Variants in LLPH observed in about 807,000 individuals in gnomAD.
The protein encoded by LLPH is LLP homolog, long-term synaptic facilitation factor, also known as protein LLP homolog.
In LLPH, 5 loss-of-function variants were observed where a neutral mutation model predicts 13.3. The observed-to-expected ratio is 0.38, with a 90% CI of 0.20 to 0.79. LLPH has a LOEUF of 0.79. LLPH is among the 30% of genes least tolerant of loss of function. The probability of loss-of-function intolerance (pLI) is 0.45; values close to 1 mark genes in which losing one functional copy is unlikely to be tolerated. For synonymous variants in LLPH, 32 were observed against 44.2 expected (o/e 0.72, Z 1.09); for missense variants, 129 against 152.1 (o/e 0.85, Z 0.80).
chr12:66,126,329 A>C (rs990264105), intron 2 of LLPH, among the ~76,000 whole-genome samples: 2 of 129,608 alleles, frequency 1.5e-5, no homozygotes, highest in East Asian at 4.4e-4. Flanking sequence ...ATCTCAAAAA[A>C]AAAAAGTAAA....
intron 2 of LLPH, 33 bp from the exon 3 acceptor site, chr12:66,124,051 A>G (rs1389905096): frequency 2.0e-6 from 3 of 1,500,530 alleles, no homozygotes; most frequent in Non-Finnish European, 2.7e-6. Context: ...TATTAACACC[A>G]TGTATGAAAA....
In LLPH at chr12:66,118,402, T is replaced by C. The variant is rs1258101744; in HGVS notation, c.*5438A>G. 2 of 151,456 alleles carry C rather than the reference T, an allele frequency of 1.3e-5. No individual in the cohort carries two copies. The highest frequency in any genetic ancestry group is 1.3e-4 in the Admixed American group (2 of 15,178). The allele number at this position is 151,456 out of a possible 1,614,324, so 9.4% of individuals were successfully genotyped here. A position where few individuals can be genotyped will look rare whatever the true frequency, so the allele number is the denominator to read the frequency against. On this transcript the variant is annotated 3_prime_UTR_variant, in exon 3 of 3. Coordinates refer to ENST00000266604, the MANE Select transcript of LLPH (RefSeq NM_032338.4). Reference sequence around the variant, plus strand: ...AAAAATATACAGCAGTATACAGTCATGTCTGAGGCCTTCACATTCACTCAT... The same window carrying C: ...AAAAATATACAGCAGTATACAGTCACGTCTGAGGCCTTCACATTCACTCAT...
intron 2 of LLPH, 64 bp from the exon 3 acceptor site, chr12:66,124,082 A>G: frequency 9.4e-7 from 1 of 1,059,690 alleles, no homozygotes; most frequent in Non-Finnish European, 1.4e-6. Context: ...GTGAAAGCAT[A>G]TTAATGCACT....
chr12:66,128,155 A>C (rs2051509184), intron 2 of LLPH, among the ~76,000 whole-genome samples: 1 of 152,204 alleles, frequency 6.6e-6, no homozygotes. Context: ...GGGAAGAAGA[A>C]AAAGTTAAAA....
chr12:66,129,589 G>A (rs1201520441), intron 1 of LLPH, among the ~76,000 whole-genome samples: 2 of 152,022 alleles, frequency 1.3e-5, no homozygotes, highest in Admixed American at 1.3e-4. Context: ...TTTTCACCGT[G>A]TTAGCCAGGA....
intron 2 of LLPH, among the ~76,000 whole-genome samples, chr12:66,127,418 C>G (rs1269730520): frequency 6.6e-6 from 1 of 152,216 alleles, no homozygotes; most frequent in East Asian, 1.9e-4. Flanking sequence ...GCACAAAGGT[C>G]TCATTATATA....
In LLPH at chr12:66,117,352, G is replaced by A. The variant is rs979517514; in HGVS notation, c.*6488C>T. The A allele has an allele frequency of 1.3e-5, 2 of 152,134 alleles. No individual in the cohort carries two copies. The highest frequency in any genetic ancestry group is 4.8e-5 in the African/African-American group (2 of 41,424). 9.4% of individuals were successfully genotyped at this position (152,134 alleles called of 1,614,324 possible). A position where few individuals can be genotyped will look rare whatever the true frequency, so the allele number is the denominator to read the frequency against. ...AAAGTACAGTCATGCATTGCATGATGACATTTCAGTCAATATAGGCAGTGG... is the reference window on the plus strand; with the variant it reads ...AAAGTACAGTCATGCATTGCATGATAACATTTCAGTCAATATAGGCAGTGG... On this transcript the variant is annotated 3_prime_UTR_variant, in exon 3 of 3. Transcript: ENST00000266604.
chr12:66,124,052 T>G, intron 2 of LLPH, 34 bp from the exon 3 acceptor site: 7 of 1,501,878 alleles, frequency 4.7e-6, no homozygotes, highest in Non-Finnish European at 6.4e-6. Flanking sequence ...ATTAACACCA[T>G]GTATGAAAAA....
chr12:66,125,678 G>T (rs934073175), intron 2 of LLPH, among the ~76,000 whole-genome samples: 2 of 152,062 alleles, frequency 1.3e-5, no homozygotes, highest in Non-Finnish European at 2.9e-5. Context: ...AAAACCTCCT[G>T]GAGCCATTCC....
At position 66,117,079 on chromosome 12, in the gene LLPH, G is replaced by C. The variant is rs1215778731; in HGVS notation, c.*6761C>G. 6.6e-6 allele frequency: 1 copy of C among 152,064 alleles called. No homozygotes were observed. Among genetic ancestry groups the C allele is most frequent in the African/African-American group, 2.4e-5 (1 of 41,412 alleles). 9.4% of individuals were successfully genotyped at this position (152,064 alleles called of 1,614,324 possible). A position where few individuals can be genotyped will look rare whatever the true frequency, so the allele number is the denominator to read the frequency against. ...TTCAAACATGACAATTTATTACGAG[G>C]CATTTTTTTTTGGCTGAAAAGAACT... On this transcript the variant is annotated 3_prime_UTR_variant, in exon 3 of 3. Coordinates refer to ENST00000266604, the MANE Select transcript of LLPH (RefSeq NM_032338.4).
rs778913036 is a variant in LLPH, at chr12:66,123,763, T to G, written c.*77A>C. ...ACAAATGGTTTTCATTTGGTGGCAGTTGAAATCAAAGTATACATGTGTATA... is the reference window on the plus strand; with the variant it reads ...ACAAATGGTTTTCATTTGGTGGCAGGTGAAATCAAAGTATACATGTGTATA... On this transcript the variant is annotated 3_prime_UTR_variant, in exon 3 of 3. Coordinates refer to ENST00000266604, the MANE Select transcript of LLPH (RefSeq NM_032338.4). 4 of 1,448,450 alleles carry G rather than the reference T, an allele frequency of 2.8e-6. No homozygotes were observed. The African/African-American group carries it at 5.7e-5, about 21-fold the overall frequency. 89.7% of individuals were successfully genotyped at this position (1,448,450 alleles called of 1,614,324 possible).
In LLPH at chr12:66,118,363, CAAA is replaced by C. The variant is rs34661421; in HGVS notation, c.*5474_*5476del. 5 of 119,712 alleles carry C rather than the reference CAAA, an allele frequency of 4.2e-5. No individual in the cohort carries two copies. Among genetic ancestry groups the C allele is most frequent in the Admixed American group, 9.1e-5 (1 of 10,978 alleles). 7.4% of individuals were successfully genotyped at this position (119,712 alleles called of 1,614,324 possible). A position where few individuals can be genotyped will look rare whatever the true frequency, so the allele number is the denominator to read the frequency against. ...GGGCAACAAGAGTGAAACTCCGTCT[CAAA>C]AAAAAAAAAAAAAAATATACAGCAG... On this transcript the variant is annotated 3_prime_UTR_variant, in exon 3 of 3. Coordinates refer to ENST00000266604, the MANE Select transcript of LLPH (RefSeq NM_032338.4).
intron 1 of LLPH, 71 bp from the exon 2 acceptor site, chr12:66,129,184 A>T (rs1316146391): frequency 3.0e-6 from 3 of 1,007,972 alleles, no homozygotes; most frequent in Non-Finnish European, 4.6e-6. Context: ...AAATCCTTAG[A>T]AAACCAGGCC....
Position 66,124,020 on chromosome 12 carries a change from T to C in LLPH, c.212-2A>G. On this transcript the variant is annotated splice_acceptor_variant, in intron 2 of 2. Transcript: ENST00000266604. LOFTEE classifies it high-confidence loss of function. ...TATCAGTCTCCATTTTCATGTCATC[T>C]GCATAAAAAGATGGAAAAACTATTA... 1 of 1,592,752 alleles carries C rather than the reference T, an allele frequency of 6.3e-7. No homozygotes were observed. The highest frequency in any genetic ancestry group is 8.5e-7 in the Non-Finnish European group (1 of 1,170,840).
chr12:66,127,256 GA>G (rs1565777642), intron 2 of LLPH, among the ~76,000 whole-genome samples: 1 of 152,174 alleles, frequency 6.6e-6, no homozygotes, highest in Non-Finnish European at 1.5e-5. Flanking sequence ...CCCATAAGGG[GA>G]AAGAAATCCA....
At position 66,122,699 on chromosome 12, in the gene LLPH, C is replaced by A. The variant is rs1334544965; in HGVS notation, c.*1141G>T. 1 of 152,156 alleles carries A rather than the reference C, an allele frequency of 6.6e-6. No individual in the cohort carries two copies. Among genetic ancestry groups the A allele is most frequent in the Non-Finnish European group, 1.5e-5 (1 of 68,014 alleles). 9.4% of individuals were successfully genotyped at this position (152,156 alleles called of 1,614,324 possible). On this transcript the variant is annotated 3_prime_UTR_variant, in exon 3 of 3. Coordinates refer to ENST00000266604, the MANE Select transcript of LLPH (RefSeq NM_032338.4). Reference sequence around the variant, plus strand: ...AACAGGTTTCTTTGCTGCTGGAACCCTGTAGGACTATTCTAATCCTAAACT... The same window carrying A: ...AACAGGTTTCTTTGCTGCTGGAACCATGTAGGACTATTCTAATCCTAAACT...
intron 1 of LLPH, among the ~76,000 whole-genome samples, chr12:66,129,992 G>A (rs1592527146): frequency 6.6e-6 from 1 of 151,982 alleles, no homozygotes; most frequent in East Asian, 1.9e-4. Flanking sequence ...GATCTACAAG[G>A]TCATTTGTGA....
chr12:66,121,968 T>G lies in LLPH; in HGVS notation c.*1872A>C, dbSNP rs2051466635. The G allele has an allele frequency of 6.6e-6, 1 of 151,962 alleles. No individual in the cohort carries two copies. Among genetic ancestry groups the G allele is most frequent in the South Asian group, 2.1e-4 (1 of 4,810 alleles). The allele number at this position is 151,962 out of a possible 1,614,324, so 9.4% of individuals were successfully genotyped here. A position where few individuals can be genotyped will look rare whatever the true frequency, so the allele number is the denominator to read the frequency against. ...AGTGGCTTAACTGGTTGTTTGCAATTTTTTTTATTTTATGAATAAAAATGT... is the reference window on the plus strand; with the variant it reads ...AGTGGCTTAACTGGTTGTTTGCAATGTTTTTTATTTTATGAATAAAAATGT... On this transcript the variant is annotated 3_prime_UTR_variant, in exon 3 of 3. Transcript: ENST00000266604.
chr12:66,128,027 A>G (rs2051508520), intron 2 of LLPH, among the ~76,000 whole-genome samples: 1 of 152,232 alleles, frequency 6.6e-6, no homozygotes, highest in Non-Finnish European at 1.5e-5. Context: ...TTGAATTCTT[A>G]TAGACTTGGG....
Sources: gnomAD v4.1 joint callset for allele counts (sites outside exome capture counted in the v4.1 genomes callset) on GRCh38, gnomAD v4.1.1 for gene constraint, MANE v1.5 for transcripts, NCBI Gene and HGNC (gene_info 2026-07-23, HGNC 2026-07-21) for gene names.